AGBL4: variants seen among roughly 807,000 people sequenced by gnomAD.
The protein encoded by AGBL4 is AGBL carboxypeptidase 4.
AGBL4 carries 58 observed loss-of-function variants against 66.4 expected under a neutral mutation model. The observed-to-expected ratio is 0.87, with a 90% confidence interval of 0.71 to 1.09. AGBL4 has a LOEUF of 1.09. AGBL4 is among the 50% of genes least tolerant of loss of function. AGBL4 has a pLI of 0.00. For missense variants in AGBL4, 579 were observed against 631.0 expected, an observed-to-expected ratio of 0.92 and a Z score of 0.88; for synonymous variants, 234 against 222.9, an observed-to-expected ratio of 1.05 and a Z score of -0.44.
chr1:49,352,366 C>CTTTTTTTTT (rs35699154), intron 3 of AGBL4, among the ~76,000 whole-genome samples: 5 of 83,108 alleles, frequency 6.0e-5, no homozygotes, highest in Non-Finnish European at 8.9e-5. Flanking sequence ...TGAATTGAAG[C>CTTTTTTTTT]TTTTTTTTTT....
intron 5 of AGBL4, among the ~76,000 whole-genome samples, chr1:49,001,576 C>A (rs1156926396): frequency 6.6e-6 from 1 of 152,086 alleles, no homozygotes; most frequent in Non-Finnish European, 1.5e-5. Context: ...TGACTCCAAC[C>A]CTAATTCTCT....
At chr1:49,256,848 A>G (rs1652548670) in intron 3 of AGBL4, among the ~76,000 whole-genome samples, 1 of 152,224 alleles carries the variant, frequency 6.6e-6, no homozygotes, top group Non-Finnish European at 1.5e-5. Flanking sequence ...CATATTAAAA[A>G]CAATATCGTA....
At chr1:49,965,630 T>C (rs1023133527) in intron 1 of AGBL4, among the ~76,000 whole-genome samples, 1 of 152,198 alleles carries the variant, frequency 6.6e-6, no homozygotes, top group African/African-American at 2.4e-5. Context: ...AGCCATCTAC[T>C]GTATAAAGAT....
At chr1:48,797,121 A>C (rs1248521290) in intron 6 of AGBL4, among the ~76,000 whole-genome samples, 15 of 152,226 alleles carry the variant, frequency 9.9e-5, no homozygotes, top group Non-Finnish European at 4.4e-5. Context: ...CAGCTTACTG[A>C]ATATAGTAGT....
chr1:49,742,457 A>G (rs1169985563), intron 2 of AGBL4, among the ~76,000 whole-genome samples: 25 of 151,982 alleles, frequency 1.6e-4, no homozygotes, highest in Non-Finnish European at 2.6e-4. Flanking sequence ...AATCAATATC[A>G]TGAAAATGGC....
At chr1:49,513,158 T>C (rs1204420205) in intron 3 of AGBL4, among the ~76,000 whole-genome samples, 2 of 152,092 alleles carry the variant, frequency 1.3e-5, no homozygotes, top group African/African-American at 2.4e-5. Flanking sequence ...TCAGTGTTCT[T>C]TCTAGTATAA....
At chr1:48,890,063 G>A (rs1650790358) in intron 5 of AGBL4, among the ~76,000 whole-genome samples, 1 of 151,756 alleles carries the variant, frequency 6.6e-6, no homozygotes, top group East Asian at 1.9e-4. Flanking sequence ...TTTGCCTATT[G>A]ACAGAGCTGG....
chr1:49,035,692 G>A (rs1389595978), intron 5 of AGBL4, among the ~76,000 whole-genome samples: 1 of 152,034 alleles, frequency 6.6e-6, no homozygotes, highest in Non-Finnish European at 1.5e-5. Context: ...ATTAACAACA[G>A]CCTGACTATC....
intron 3 of AGBL4, among the ~76,000 whole-genome samples, chr1:49,608,208 G>A (rs1183259709): frequency 6.6e-6 from 1 of 152,080 alleles, no homozygotes; most frequent in Admixed American, 6.6e-5. Flanking sequence ...GTGAAGGTCT[G>A]GAGCTTGGGA....
intron 4 of AGBL4, among the ~76,000 whole-genome samples, chr1:49,140,088 G>A (rs1160587494): frequency 6.6e-6 from 1 of 152,178 alleles, no homozygotes; most frequent in Non-Finnish European, 1.5e-5. Flanking sequence ...AAGTCACCTG[G>A]TAATTAAGTG....
intron 2 of AGBL4, among the ~76,000 whole-genome samples, chr1:49,751,043 T>C (rs929237788): frequency 2.0e-5 from 3 of 152,218 alleles, no homozygotes; most frequent in Non-Finnish European, 2.9e-5. Context: ...ACAGAGATAA[T>C]TTGACTTCCT....
At chr1:49,512,863 A>C (rs543903567) in intron 3 of AGBL4, among the ~76,000 whole-genome samples, 1 of 152,054 alleles carries the variant, frequency 6.6e-6, no homozygotes, top group African/African-American at 2.4e-5. Context: ...ACCAAAAAAA[A>C]AGTAGAATAA....
At chr1:49,951,273 T>G (rs1475862381) in intron 1 of AGBL4, among the ~76,000 whole-genome samples, 1 of 151,794 alleles carries the variant, frequency 6.6e-6, no homozygotes, top group East Asian at 1.9e-4. Flanking sequence ...TACTGTGAAA[T>G]TTGTCAGAAT....
At position 49,935,005 on chromosome 1, in the gene AGBL4, G is replaced by A. The variant is rs148667464; in HGVS notation, c.35-83487C>T. Among the ~76,000 whole-genome samples the A allele has an allele frequency of 8.1e-3, 1,231 of 152,336 alleles. 46 individuals are homozygous for A. Among genetic ancestry groups the A allele is most frequent in the Admixed American group, 0.059 (900 of 15,308 alleles). The stretch of plus-strand genomic sequence containing the variant: ...CACAGGACAGTGGGTGCAGCGCACC[G>A]TGTGCGAGTCAAAGCAGGGCAAGGC... On this transcript the variant is annotated intron_variant, in intron 1 of 13. Transcript: ENST00000371839.
At chr1:49,579,296 C>G (rs1009027597) in intron 3 of AGBL4, among the ~76,000 whole-genome samples, 4 of 152,166 alleles carry the variant, frequency 2.6e-5, no homozygotes. Flanking sequence ...CAAATATGCT[C>G]TCTTTTTGAA....
chr1:48,785,612 A>G (rs1211401468), intron 6 of AGBL4, among the ~76,000 whole-genome samples: 1 of 152,244 alleles, frequency 6.6e-6, no homozygotes, highest in African/African-American at 2.4e-5. Context: ...TAGAAAAATG[A>G]TGTACACAGA....
chr1:49,182,053 A>G (rs1569968159), intron 4 of AGBL4, among the ~76,000 whole-genome samples: 1 of 152,242 alleles, frequency 6.6e-6, no homozygotes, highest in East Asian at 1.9e-4. Flanking sequence ...AGATGGCTAC[A>G]GTAAGCAGGG....
intron 6 of AGBL4, among the ~76,000 whole-genome samples, chr1:48,865,119 C>T (rs1647892468): frequency 6.6e-6 from 1 of 152,002 alleles, no homozygotes; most frequent in African/African-American, 2.4e-5. Flanking sequence ...AAGCCAGTAC[C>T]TCCTACTGGC....
At chr1:49,191,203 C>T (rs1647112088) in intron 4 of AGBL4, among the ~76,000 whole-genome samples, 2 of 152,128 alleles carry the variant, frequency 1.3e-5, no homozygotes, top group African/African-American at 4.8e-5. Flanking sequence ...ACGAAGTCTC[C>T]ACTTACAAAA....
Sources: allele counts gnomAD v4.1 joint callset (sites outside exome capture counted in the v4.1 genomes callset), GRCh38; gene constraint gnomAD v4.1.1; transcripts MANE v1.5; gene names NCBI Gene and HGNC (gene_info 2026-07-23, HGNC 2026-07-21).